Variants in HECW1 observed in about 807,000 individuals in gnomAD.
HECW1 encodes E3 ubiquitin-protein ligase HECW1.
Under a neutral mutation model 182.3 loss-of-function variants are expected in HECW1, and 61 were observed. The ratio of observed to expected loss-of-function variants is 0.33; its 90% CI spans 0.27 to 0.41. The LOEUF is 0.41. HECW1 is among the 10% of genes least tolerant of loss of function. The pLI, the probability that HECW1 is intolerant of heterozygous loss-of-function variation, is 1.00. For synonymous variants in HECW1, 859 were observed against 832.6 expected (o/e 1.03, Z -0.55); for missense variants, 1,739 against 2,108.9 (o/e 0.82, Z 3.44).
At position 43,432,756 on chromosome 7, in the gene HECW1, A is replaced by G. The variant is rs1306197763; in HGVS notation, c.802-5247A>G. On this transcript the variant is annotated intron_variant, in intron 8 of 29. Transcript: ENST00000395891. The surrounding 1 kb of genome is among the most constrained non-coding windows in gnomAD (Gnocchi z 4.1). ...TCTCTGCCTAAATTGCTCATTATGC[A>G]ACTGCTACCAGTTTACATAATTGCC... Among the ~76,000 whole-genome samples, 1 of 152,230 alleles carries G rather than the reference A, an allele frequency of 6.6e-6. No homozygotes were observed. Among genetic ancestry groups the G allele is most frequent in the Non-Finnish European group, 1.5e-5 (1 of 68,028 alleles).
At chr7:43,181,730 A>G (rs569543583) in intron 2 of HECW1, among the ~76,000 whole-genome samples, 18 of 150,872 alleles carry the variant, frequency 1.2e-4, no homozygotes, top group Admixed American at 1.3e-4. Flanking sequence ...TATTCTGGAT[A>G]TTAACTCTTT....
At position 43,444,895 on chromosome 7, in the gene HECW1, G is replaced by A. The variant is rs747714931; in HGVS notation, c.1723G>A (p.Gly575Ser). Residue 575 changes from glycine to serine, a missense_variant, in exon 11 of 30, where the codon GGC (glycine) becomes AGC (serine). Transcript: ENST00000395891. The surrounding 1 kb of genome is among the most constrained non-coding windows in gnomAD (Gnocchi z 4.3). ...TLLHSMPSAQGGSAAEEEDGA... is the reference protein window; with the variant it reads ...TLLHSMPSAQSGSAAEEEDGA... ...GCTGCACAGCATGCCCTCCGCCCAG[G>A]GCGGCAGCGCGGCAGAGGAGGAGGA... 7 of 1,604,600 alleles carry A rather than the reference G, an allele frequency of 4.4e-6. No individual in the cohort carries two copies. In the Admixed American group the frequency reaches 1.2e-4, roughly 27 times the overall value.
chr7:43,112,954 C>CG lies in HECW1; in HGVS notation c.-267+21dup, dbSNP rs945104652. ...GCTGCCAAGGTAAGCGGGCGTAGCG[C>CG]GGGGACACTGTCTGCCGCCCCTTCC... On this transcript the variant is annotated intron_variant, in intron 1 of 29. Coordinates refer to ENST00000395891, the MANE Select transcript of HECW1 (RefSeq NM_015052.5). The CG allele has an allele frequency of 4.8e-6, 1 of 210,236 alleles. No homozygotes were observed. The highest frequency in any genetic ancestry group is 2.3e-5 in the African/African-American group (1 of 43,932). 13.0% of individuals were successfully genotyped at this position (210,236 alleles called of 1,614,324 possible). A position where few individuals can be genotyped will look rare whatever the true frequency, so the allele number is the denominator to read the frequency against.
intron 12 of HECW1, among the ~76,000 whole-genome samples, chr7:43,453,404 G>A (rs2077298665): frequency 6.6e-6 from 1 of 152,138 alleles, no homozygotes; most frequent in African/African-American, 2.4e-5. Context: ...CTACAAAGAT[G>A]GAGTTGTCTT....
At chr7:43,295,751 A>G (rs1056457149) in intron 3 of HECW1, among the ~76,000 whole-genome samples, 1 of 152,348 alleles carries the variant, frequency 6.6e-6, no homozygotes, top group African/African-American at 2.4e-5. Flanking sequence ...TCTCAGTCTC[A>G]TAGCTCTAAG....
Position 43,377,452 on chromosome 7 carries a change from T to C in HECW1, c.555+16472T>C, listed in dbSNP as rs146038869. ...CCCCTCACAATAATTAATCTCAGGT[T>C]CTAGTAGAGCATTAGATCCCACTTC... On this transcript the variant is annotated intron_variant, in intron 6 of 29. Transcript: ENST00000395891. 3.2e-3 allele frequency among the ~76,000 whole-genome samples: 485 copies of C among 152,206 alleles called. 3 individuals are homozygous for C. The highest frequency in any genetic ancestry group is 0.027 in the Middle Eastern group (8 of 294).
At chr7:43,183,680 A>G (rs1793081334) in intron 2 of HECW1, among the ~76,000 whole-genome samples, 2 of 152,230 alleles carry the variant, frequency 1.3e-5, no homozygotes, top group African/African-American at 4.8e-5. Flanking sequence ...ATTTCTGACT[A>G]TCCATAGTCA....
intron 16 of HECW1, among the ~76,000 whole-genome samples, chr7:43,474,443 T>C (rs1191095639): frequency 3.3e-5 from 5 of 152,048 alleles, no homozygotes; most frequent in African/African-American, 4.8e-5. Context: ...AGCGAGACTC[T>C]GTCTCAAAAA....
At chr7:43,239,008 A>C (rs1162810219) in intron 2 of HECW1, 3 of 152,224 alleles carry the variant, frequency 2.0e-5, no homozygotes, top group African/African-American at 7.2e-5. Flanking sequence ...AAAACAAGGG[A>C]CTGAAAGACA....
intron 3 of HECW1, among the ~76,000 whole-genome samples, chr7:43,291,839 A>T (rs1474468998): frequency 1.3e-5 from 2 of 152,230 alleles, no homozygotes; most frequent in East Asian, 3.9e-4. Flanking sequence ...ATTTCAAAGT[A>T]TTATCTTAGA....
chr7:43,502,504 T>A (rs1438735252), intron 21 of HECW1, among the ~76,000 whole-genome samples: 1 of 151,970 alleles, frequency 6.6e-6, no homozygotes, highest in Non-Finnish European at 1.5e-5. Flanking sequence ...CAAAAAAAAT[T>A]TTTTTTAATT....
At chr7:43,399,694 G>T (rs2075342548) in intron 7 of HECW1, among the ~76,000 whole-genome samples, 1 of 152,166 alleles carries the variant, frequency 6.6e-6, no homozygotes, top group Non-Finnish European at 1.5e-5. Context: ...GGTTCACAAA[G>T]CTACTTTATA....
At position 43,446,073 on chromosome 7, in the gene HECW1, C is replaced by T. The variant is rs1003799095; in HGVS notation, c.2398+503C>T. On this transcript the variant is annotated intron_variant, in intron 11 of 29. Coordinates refer to ENST00000395891, the MANE Select transcript of HECW1 (RefSeq NM_015052.5). Reference sequence around the variant, plus strand: ...TTTTAGAATTCAACTAGCCCATGTACGTACATATAGATATGTCTAGCCTAC... The same window carrying T: ...TTTTAGAATTCAACTAGCCCATGTATGTACATATAGATATGTCTAGCCTAC... 3.3e-5 allele frequency among the ~76,000 whole-genome samples: 5 copies of T among 152,208 alleles called. No individual in the cohort carries two copies. In the East Asian group the frequency reaches 9.6e-4, roughly 29 times the overall value.
chr7:43,312,189 G>A, intron 4 of HECW1, 102 bp downstream of exon 4: 1 of 1,082,364 alleles, frequency 9.2e-7, no homozygotes, highest in Admixed American at 2.5e-5. Flanking sequence ...AAGCAACTGT[G>A]TTATATGCCA....
intron 19 of HECW1, among the ~76,000 whole-genome samples, chr7:43,494,529 A>T (rs531295362): frequency 1.3e-5 from 2 of 150,274 alleles, no homozygotes; most frequent in African/African-American, 4.9e-5. Context: ...TTTGAGACAG[A>T]GTCTTGCTCT....
intron 21 of HECW1, 96 bp from the exon 22 acceptor site, chr7:43,507,041 G>T (rs2079608947): frequency 6.9e-7 from 1 of 1,447,484 alleles, no homozygotes; most frequent in African/African-American, 1.4e-5. Flanking sequence ...CTGCACTCCA[G>T]CCTGGGCAAC....
intron 3 of HECW1, among the ~76,000 whole-genome samples, chr7:43,266,441 T>G (rs1801811738): frequency 6.6e-6 from 1 of 152,168 alleles, no homozygotes; most frequent in Non-Finnish European, 1.5e-5. Context: ...GTTCAAGCAA[T>G]TCTCTGCCTC....
intron 7 of HECW1, among the ~76,000 whole-genome samples, chr7:43,406,846 G>A (rs1424010434): frequency 6.6e-6 from 1 of 152,128 alleles, no homozygotes. Flanking sequence ...TTGAACCCAG[G>A]AGGCAGAGTT....
chr7:43,132,147 C>CTGTA (rs1202801257), intron 2 of HECW1, among the ~76,000 whole-genome samples: 10 of 152,100 alleles, frequency 6.6e-5, no homozygotes, highest in African/African-American at 2.4e-4. Flanking sequence ...CTTTGCATCT[C>CTGTA]CACACAGCCC....
Sources: allele counts gnomAD v4.1 joint callset (sites outside exome capture counted in the v4.1 genomes callset), GRCh38; gene constraint gnomAD v4.1.1; non-coding constraint Gnocchi (gnomAD v3.1); transcripts MANE v1.5; gene names NCBI Gene and HGNC (gene_info 2026-07-23, HGNC 2026-07-21).